Variants in SLC35E2B observed in about 807,000 individuals in gnomAD.
The protein encoded by SLC35E2B is solute carrier family 35, member E2B.
In SLC35E2B, 18 loss-of-function variants were observed where a neutral mutation model predicts 32.4. The ratio of observed to expected loss-of-function variants is 0.56; its 90% confidence interval spans 0.38 to 0.82. The LOEUF (loss-of-function observed/expected upper bound fraction) is 0.82, where lower values mean the gene tolerates loss of function less well. Among genes scored for constraint, SLC35E2B ranks in the 40% least tolerant of loss-of-function variants. The pLI, the probability that SLC35E2B is intolerant of heterozygous loss-of-function variation, is 0.00. For synonymous variants in SLC35E2B, 132 were observed against 209.1 expected, an observed-to-expected ratio of 0.63 and a Z score of 3.18; for missense variants, 263 against 469.5, an observed-to-expected ratio of 0.56 and a Z score of 4.06.
chr1:1,682,443 T>C (rs1400938819), intron 2 of SLC35E2B, among the ~76,000 whole-genome samples: 1 of 152,040 alleles, frequency 6.6e-6, no homozygotes, highest in African/African-American at 2.4e-5. Context: ...ACGATGGAAA[T>C]GAGGGGCTCA....
intron 2 of SLC35E2B, among the ~76,000 whole-genome samples, chr1:1,677,722 G>A (rs1162989248): frequency 3.3e-5 from 5 of 151,190 alleles, no homozygotes; most frequent in Non-Finnish European, 5.9e-5. Flanking sequence ...TCCTGACCTC[G>A]TGAACCGCCC....
intron 9 of SLC35E2B, 81 bp downstream of exon 9, chr1:1,668,246 C>T (rs553906261): frequency 6.7e-7 from 1 of 1,497,444 alleles, no homozygotes; most frequent in African/African-American, 1.4e-5. Flanking sequence ...CACATGTGTC[C>T]CTTATAAAAA....
intron 2 of SLC35E2B, among the ~76,000 whole-genome samples, chr1:1,690,216 G>A (rs1264958283): frequency 2.0e-5 from 3 of 147,684 alleles, no homozygotes; most frequent in Non-Finnish European, 4.5e-5. Flanking sequence ...GGAGGCAGAG[G>A]TTGTGATGAG....
Position 1,661,552 on chromosome 1 carries a change from C to T in SLC35E2B, c.*4230G>A. The T allele has an allele frequency of 3.9e-6, 3 of 771,332 alleles. No homozygotes were observed. The highest frequency in any genetic ancestry group is 1.8e-5 in the African/African-American group (1 of 54,538). The allele number at this position is 771,332 out of a possible 1,614,324, so 47.8% of individuals were successfully genotyped here. A position where few individuals can be genotyped will look rare whatever the true frequency, so the allele number is the denominator to read the frequency against. Reference sequence around the variant, plus strand: ...TACTACCACGGCTGCTTCGTTTGGACAAAAATAACGAGGAGGCATCCACGG... The same window carrying T: ...TACTACCACGGCTGCTTCGTTTGGATAAAAATAACGAGGAGGCATCCACGG... On this transcript the variant is annotated 3_prime_UTR_variant, in exon 10 of 10. Transcript: ENST00000617444.
rs1368256682 is a variant in SLC35E2B at position 1,671,417 on chromosome 1, AG to A, written c.707+91del. ...GGACGCACCTGCTTTGGCTCACGGG[AG>A]GAATTCTCAGCTCACCTGAGAATCT... On this transcript the variant is annotated intron_variant, in intron 6 of 9. Coordinates refer to ENST00000617444, the MANE Select transcript of SLC35E2B (RefSeq NM_001290264.2). 11 of 1,282,496 alleles carry A rather than the reference AG, an allele frequency of 8.6e-6. No individual in the cohort carries two copies. The East Asian group carries it at 3.4e-4, about 40-fold the overall frequency. The allele number at this position is 1,282,496 out of a possible 1,614,324, so 79.4% of individuals were successfully genotyped here. A position where few individuals can be genotyped will look rare whatever the true frequency, so the allele number is the denominator to read the frequency against.
chr1:1,680,083 C>T (rs1643887929), intron 2 of SLC35E2B, among the ~76,000 whole-genome samples: 1 of 151,876 alleles, frequency 6.6e-6, no homozygotes, highest in African/African-American at 2.4e-5. Flanking sequence ...GCCGAGATCA[C>T]ACCGTTGTAC....
intron 9 of SLC35E2B, among the ~76,000 whole-genome samples, chr1:1,667,530 C>T (rs1188414233): frequency 3.9e-5 from 6 of 152,128 alleles, no homozygotes; most frequent in Non-Finnish European, 7.4e-5. Flanking sequence ...AGAGCTGCAC[C>T]GCACGGCACA....
intron 2 of SLC35E2B, among the ~76,000 whole-genome samples, chr1:1,682,534 C>T (rs540353159): frequency 4.5e-4 from 69 of 152,216 alleles, no homozygotes; most frequent in Non-Finnish European, 2.1e-4. Context: ...CAGACAGAAA[C>T]GCACGACTCG....
chr1:1,687,460 C>G (rs1643965931), intron 2 of SLC35E2B, among the ~76,000 whole-genome samples: 1 of 152,108 alleles, frequency 6.6e-6, no homozygotes, highest in African/African-American at 2.4e-5. Flanking sequence ...AAAAATTAGG[C>G]CGGGCGTGGT....
At chr1:1,669,819 G>A in intron 7 of SLC35E2B, 83 bp from the exon 8 acceptor site, 1 of 1,384,426 alleles carries the variant, frequency 7.2e-7, no homozygotes, top group East Asian at 2.5e-5. Flanking sequence ...AGAACACCCA[G>A]GCACCCCAGC....
At chr1:1,687,354 A>G (rs1461899327) in intron 2 of SLC35E2B, among the ~76,000 whole-genome samples, 1 of 152,138 alleles carries the variant, frequency 6.6e-6, no homozygotes, top group Non-Finnish European at 1.5e-5. Flanking sequence ...AGGCAGGCGG[A>G]TTACCCGAGC....
intron 8 of SLC35E2B, among the ~76,000 whole-genome samples, chr1:1,668,865 C>T (rs1643613051): frequency 1.3e-5 from 2 of 151,978 alleles, no homozygotes; most frequent in Non-Finnish European, 2.9e-5. Context: ...GTGGTGGGCG[C>T]CTGTAATCCC....
intron 2 of SLC35E2B, among the ~76,000 whole-genome samples, chr1:1,677,635 G>A (rs116025126): frequency 0.025 from 3,859 of 151,648 alleles, 119 homozygotes; most frequent in African/African-American, 0.073. Context: ...CCGCCACCAC[G>A]TCCGGCTAAT....
intron 2 of SLC35E2B, among the ~76,000 whole-genome samples, chr1:1,680,392 G>A (rs367563304): frequency 1.5e-4 from 23 of 152,318 alleles, no homozygotes; most frequent in East Asian, 7.7e-4. Context: ...GCGCTGGGAC[G>A]CGGGTTCTCT....
At chr1:1,689,513 T>C (rs1410348060) in intron 2 of SLC35E2B, among the ~76,000 whole-genome samples, 1 of 151,622 alleles carries the variant, frequency 6.6e-6, no homozygotes, top group African/African-American at 2.4e-5. Context: ...GGTGGCCTGC[T>C]CTTATGATAA....
Position 1,665,789 on chromosome 1 carries a change from T to C in SLC35E2B, c.1211A>G (p.His404Arg). Residue 404 changes from histidine to arginine, a missense_variant, in exon 10 of 10, where the codon CAT becomes CGT. By Grantham distance (29) the His-to-Arg change is conservative. Transcript: ENST00000617444. ...EPLLPQDPRQ[H>R]P ...GCTGGCAGCTTCCTGCTCTCAGGGATGCTGCCTGGGGTCCTGTGGAAGCAG... is the reference window on the plus strand; with the variant it reads ...GCTGGCAGCTTCCTGCTCTCAGGGACGCTGCCTGGGGTCCTGTGGAAGCAG... 6.5e-7 allele frequency: 1 copy of C among 1,550,302 alleles called. No individual in the cohort carries two copies. The highest frequency in any genetic ancestry group is 8.7e-7 in the Non-Finnish European group (1 of 1,146,582).
chr1:1,690,797 GAGA>G (rs374485348), intron 2 of SLC35E2B, among the ~76,000 whole-genome samples, 176 bp downstream of exon 2: 5,897 of 23,556 alleles, frequency 0.25, 1,087 homozygotes, highest in South Asian at 0.34. Flanking sequence ...TATGTTTTTG[GAGA>G]AGGAGTTTCG....
In SLC35E2B at chr1:1,663,476, A is replaced by G; in HGVS notation, c.*2306T>C. ...CGCCACCTCCAGGGCATTTTCTAAT[A>G]GTGTTTGTTTTTGAGACGGAATCTT... On this transcript the variant is annotated 3_prime_UTR_variant, in exon 10 of 10. Transcript: ENST00000617444. 3 of 934,560 alleles carry G rather than the reference A, an allele frequency of 3.2e-6. No homozygotes were observed. Among genetic ancestry groups the G allele is most frequent in the Non-Finnish European group, 3.8e-6 (3 of 783,680 alleles). 57.9% of individuals were successfully genotyped at this position (934,560 alleles called of 1,614,324 possible). A position where few individuals can be genotyped will look rare whatever the true frequency, so the allele number is the denominator to read the frequency against.
At chr1:1,687,153 A>G (rs28366981) in intron 2 of SLC35E2B, among the ~76,000 whole-genome samples, 73,103 of 151,934 alleles carry the variant, frequency 0.48, 18,090 homozygotes, top group African/African-American at 0.57. Context: ...CCGAGCGCAC[A>G]GGCTTGAACG....
Sources: gnomAD v4.1 joint callset for allele counts (sites outside exome capture counted in the v4.1 genomes callset) on GRCh38, gnomAD v4.1.1 for gene constraint, MANE v1.5 for transcripts, NCBI Gene and HGNC (gene_info 2026-07-23, HGNC 2026-07-21) for gene names.